SHISA6: variants seen among roughly 807,000 people sequenced by gnomAD.
SHISA6 encodes the protein shisa family member 6, also known as protein shisa-6.
Under a neutral mutation model 47.9 loss-of-function variants are expected in SHISA6, and 22 were observed. That is an observed-to-expected ratio of 0.46 (90% CI 0.33 to 0.66). The LOEUF is 0.66. Ranked by LOEUF, SHISA6 falls within the 30% of genes least tolerant of loss-of-function variation. The pLI, the probability that SHISA6 is intolerant of heterozygous loss-of-function variation, is 0.02. For missense variants in SHISA6, 680 were observed against 764.6 expected, an observed-to-expected ratio of 0.89 and a Z score of 1.30; for synonymous variants, 388 against 337.8, an observed-to-expected ratio of 1.15 and a Z score of -1.63.
intron 2 of SHISA6, among the ~76,000 whole-genome samples, chr17:11,361,772 A>T (rs1221001917): frequency 6.6e-6 from 1 of 152,250 alleles, no homozygotes; most frequent in Non-Finnish European, 1.5e-5. Flanking sequence ...ACCATGTGCC[A>T]GGCACTGTGC....
chr17:11,362,286 C>A (rs1022332808), intron 2 of SHISA6, among the ~76,000 whole-genome samples: 1 of 152,088 alleles, frequency 6.6e-6, no homozygotes, highest in Non-Finnish European at 1.5e-5. Context: ...ACTACAGGCA[C>A]GTATCACAAC....
At chr17:11,350,939 A>G (rs1194717429) in intron 2 of SHISA6, among the ~76,000 whole-genome samples, 1 of 152,230 alleles carries the variant, frequency 6.6e-6, no homozygotes, top group Non-Finnish European at 1.5e-5. Flanking sequence ...TGGCACATAT[A>G]CACCATGGAA....
chr17:11,519,459 TA>T (rs2071610920), intron 3 of SHISA6, among the ~76,000 whole-genome samples: 1 of 151,932 alleles, frequency 6.6e-6, no homozygotes, highest in Non-Finnish European at 1.5e-5. Context: ...AGAGAGAAAA[TA>T]AAACAGAGGT....
intron 2 of SHISA6, among the ~76,000 whole-genome samples, chr17:11,309,433 C>T (rs1910243610): frequency 6.6e-6 from 1 of 152,182 alleles, no homozygotes; most frequent in Non-Finnish European, 1.5e-5. Flanking sequence ...GTAGGAGATC[C>T]ATCTTATCAG....
At chr17:11,296,418 G>A (rs947114217) in intron 2 of SHISA6, among the ~76,000 whole-genome samples, 38 of 152,286 alleles carry the variant, frequency 2.5e-4, no homozygotes, top group Middle Eastern at 6.8e-3. Flanking sequence ...AACCAGTGGG[G>A]CTTGATTTGT....
At chr17:11,253,313 T>G (rs951274637) in intron 1 of SHISA6, among the ~76,000 whole-genome samples, 131 of 5,912 alleles carry the variant, frequency 0.022, no homozygotes, top group Admixed American at 0.079. Context: ...TGGGCAAAGT[T>G]TTTTTTTTTT....
At chr17:11,272,396 C>T (rs540517465) in intron 2 of SHISA6, among the ~76,000 whole-genome samples, 38 of 152,158 alleles carry the variant, frequency 2.5e-4, no homozygotes, top group Non-Finnish European at 5.1e-4. Context: ...CTCCACTGGT[C>T]CTTGGTGGCA....
intron 3 of SHISA6, among the ~76,000 whole-genome samples, chr17:11,533,351 TAA>T (rs1166231154): frequency 6.6e-6 from 1 of 152,100 alleles, no homozygotes; most frequent in Non-Finnish European, 1.5e-5. Context: ...CCTTTCAGGA[TAA>T]AGTCAAAGTC....
intron 3 of SHISA6, among the ~76,000 whole-genome samples, chr17:11,457,444 G>A (rs907413072): frequency 8.3e-4 from 126 of 152,144 alleles, no homozygotes; most frequent in Non-Finnish European, 5.0e-4. Flanking sequence ...AAAGGTAGAT[G>A]AGATAGGCCG....
chr17:11,370,402 A>G (rs1303723345), intron 2 of SHISA6, among the ~76,000 whole-genome samples: 4 of 152,174 alleles, frequency 2.6e-5, no homozygotes, highest in Non-Finnish European at 5.9e-5. Flanking sequence ...GGAGACGTCC[A>G]TGGATCCCAT....
At chr17:11,523,800 G>T (rs1401064787) in intron 3 of SHISA6, among the ~76,000 whole-genome samples, 1 of 152,142 alleles carries the variant, frequency 6.6e-6, no homozygotes, top group Admixed American at 6.5e-5. Flanking sequence ...GAGGTCAGGA[G>T]TTCGAGACCA....
At chr17:11,432,426 G>A (rs1461859407) in intron 3 of SHISA6, among the ~76,000 whole-genome samples, 3 of 152,166 alleles carry the variant, frequency 2.0e-5, no homozygotes, top group South Asian at 2.1e-4. Flanking sequence ...GTCTGAAGTT[G>A]AATGAGGCAC....
intron 1 of SHISA6, among the ~76,000 whole-genome samples, chr17:11,248,582 CTCTT>C (rs1338644456): frequency 6.6e-5 from 10 of 152,342 alleles, no homozygotes; most frequent in Admixed American, 5.9e-4. Flanking sequence ...CTTCTCCTTT[CTCTT>C]TCTTTCCTAC....
intron 2 of SHISA6, among the ~76,000 whole-genome samples, chr17:11,368,877 G>C (rs535308034): frequency 1.3e-5 from 2 of 152,236 alleles, no homozygotes; most frequent in East Asian, 3.9e-4. Context: ...GGCTGGTCTC[G>C]AACTCCTGAC....
In SHISA6 at chr17:11,386,866, C is replaced by T. The variant is rs148701035; in HGVS notation, c.895+7357C>T. 1.4e-4 allele frequency among the ~76,000 whole-genome samples: 21 copies of T among 152,284 alleles called. No individual in the cohort carries two copies. In the East Asian group the frequency reaches 2.5e-3, roughly 18 times the overall value. On this transcript the variant is annotated intron_variant, in intron 3 of 5. Coordinates refer to ENST00000441885, the MANE Select transcript of SHISA6 (RefSeq NM_207386.4). ...GAGGGGTTAGGGTGACCGACCATCC[C>T]GGGTTGCCCAGGACTGTCCAGTTTT...
At chr17:11,454,323 GT>G (rs1157802842) in intron 3 of SHISA6, among the ~76,000 whole-genome samples, 1 of 152,116 alleles carries the variant, frequency 6.6e-6, no homozygotes, top group African/African-American at 2.4e-5. Flanking sequence ...AGGAGCTACT[GT>G]TCATCCTCTC....
At chr17:11,418,635 A>G (rs1914356921) in intron 3 of SHISA6, among the ~76,000 whole-genome samples, 1 of 152,192 alleles carries the variant, frequency 6.6e-6, no homozygotes. Context: ...TAAGTTTAGT[A>G]TCATGGCTAT....
In SHISA6 at chr17:11,301,377, A is replaced by T. The variant is rs182181463; in HGVS notation, c.799+37851A>T. On this transcript the variant is annotated intron_variant, in intron 2 of 5. Coordinates refer to ENST00000441885, the MANE Select transcript of SHISA6 (RefSeq NM_207386.4). ...ATAAGGGGATGGTACATTGACCTTT[A>T]TTTGTCTTTCTAATTTTCCACTTCT... Among the ~76,000 whole-genome samples the T allele has an allele frequency of 5.7e-4, 86 of 151,954 alleles. 3 individuals carry two copies. In the East Asian group the frequency reaches 0.016, roughly 29 times the overall value.
intron 3 of SHISA6, among the ~76,000 whole-genome samples, chr17:11,406,227 C>T (rs755773480): frequency 2.0e-5 from 3 of 152,186 alleles, no homozygotes; most frequent in African/African-American, 4.8e-5. Flanking sequence ...TAACCTCTCA[C>T]TCACACATCC....
Sources: allele counts gnomAD v4.1 joint callset (sites outside exome capture counted in the v4.1 genomes callset), GRCh38; gene constraint gnomAD v4.1.1; transcripts MANE v1.5; gene names NCBI Gene and HGNC (gene_info 2026-07-23, HGNC 2026-07-21).